IKZF1: variants seen among roughly 807,000 people sequenced by gnomAD.
The protein encoded by IKZF1 is DNA-binding protein Ikaros.
In IKZF1, 10 loss-of-function variants were observed where a neutral mutation model predicts 51.7. The ratio of observed to expected loss-of-function variants is 0.19; its 90% confidence interval spans 0.12 to 0.33. The LOEUF (loss-of-function observed/expected upper bound fraction) is 0.33, where lower values mean the gene tolerates loss of function less well. Among genes scored for constraint, IKZF1 ranks in the 10% least tolerant of loss-of-function variants. IKZF1 has a pLI of 1.00. For missense variants in IKZF1, 484 were observed against 707.5 expected (o/e 0.68, Z 3.58); for synonymous variants, 280 against 282.3 (o/e 0.99, Z 0.08).
chr7:50,359,645 C>T (rs1038632549), intron 3 of IKZF1, among the ~76,000 whole-genome samples: 1 of 152,260 alleles, frequency 6.6e-6, no homozygotes, highest in African/African-American at 2.4e-5. Context: ...CATGTACATA[C>T]ACATGTACAC....
At chr7:50,392,182 G>T (rs116341609) in intron 7 of IKZF1, among the ~76,000 whole-genome samples, 1 of 152,260 alleles carries the variant, frequency 6.6e-6, no homozygotes, top group East Asian at 1.9e-4. Flanking sequence ...GCTCGTCCGG[G>T]GGACACCACA....
intron 1 of IKZF1, among the ~76,000 whole-genome samples, chr7:50,317,605 C>T (rs1378788448): frequency 6.6e-6 from 1 of 152,082 alleles, no homozygotes; most frequent in Non-Finnish European, 1.5e-5. Flanking sequence ...TAGCTGTACT[C>T]CTAAGCCACA....
At chr7:50,362,696 T>C (rs1805621235) in intron 3 of IKZF1, among the ~76,000 whole-genome samples, 1 of 152,158 alleles carries the variant, frequency 6.6e-6, no homozygotes, top group African/African-American at 2.4e-5. Context: ...TCACCAGTTG[T>C]AGGGAGATTT....
chr7:50,338,205 T>A (rs917368062), intron 3 of IKZF1, among the ~76,000 whole-genome samples: 18 of 152,204 alleles, frequency 1.2e-4, no homozygotes, highest in Non-Finnish European at 2.4e-4. Context: ...CTATGGAAAG[T>A]TGCTTATTTT....
At chr7:50,354,544 G>T (rs554429815) in intron 3 of IKZF1, among the ~76,000 whole-genome samples, 2 of 152,358 alleles carry the variant, frequency 1.3e-5, no homozygotes, top group Admixed American at 1.3e-4. Context: ...AAGGCAGAAA[G>T]ACAGGGCAGC....
At chr7:50,369,734 T>C in intron 3 of IKZF1, 1 of 396,586 alleles carries the variant, frequency 2.5e-6, no homozygotes. Flanking sequence ...TTTGTGTCCG[T>C]AGTTGCTGGA....
chr7:50,333,711 G>A (rs1344208073), intron 3 of IKZF1, among the ~76,000 whole-genome samples: 7 of 152,130 alleles, frequency 4.6e-5, no homozygotes, highest in African/African-American at 1.7e-4. Flanking sequence ...CTTCTTTGAG[G>A]AATAACTGAA....
At chr7:50,304,007 C>G (rs1243297357), upstream of IKZF1, 2 of 145,124 alleles carry the variant, frequency 1.4e-5, no homozygotes, top group Non-Finnish European at 3.1e-5. Context: ...AATGAGGAAG[C>G]GCGGCGGCGA....
At chr7:50,374,959 G>C (rs1434081829) in intron 3 of IKZF1, among the ~76,000 whole-genome samples, 1 of 152,024 alleles carries the variant, frequency 6.6e-6, no homozygotes, top group Non-Finnish European at 1.5e-5. Context: ...GTGTACATTA[G>C]AATCTTCTGG....
At chr7:50,398,471 A>T (rs1195492942) in intron 7 of IKZF1, among the ~76,000 whole-genome samples, 1 of 152,102 alleles carries the variant, frequency 6.6e-6, no homozygotes, top group African/African-American at 2.4e-5. Flanking sequence ...CAACACTGGG[A>T]CACAAAACCC....
At chr7:50,397,338 T>A (rs1307318050) in intron 7 of IKZF1, among the ~76,000 whole-genome samples, 1 of 152,248 alleles carries the variant, frequency 6.6e-6, no homozygotes, top group Non-Finnish European at 1.5e-5. Flanking sequence ...TTTATTTTTC[T>A]TGTTTTGTTG....
intron 7 of IKZF1, among the ~76,000 whole-genome samples, chr7:50,396,877 A>G (rs1816844259): frequency 6.6e-6 from 1 of 152,216 alleles, no homozygotes; most frequent in Admixed American, 6.5e-5. Context: ...GAATGCTTTC[A>G]TCCCCACAGG....
chr7:50,382,143 T>A (rs1208431932), intron 4 of IKZF1, among the ~76,000 whole-genome samples: 1 of 152,214 alleles, frequency 6.6e-6, no homozygotes, highest in Non-Finnish European at 1.5e-5. Flanking sequence ...GCTGCTTCAG[T>A]GGCATATTTT....
At chr7:50,386,462 C>T (rs904313354) in intron 5 of IKZF1, among the ~76,000 whole-genome samples, 2 of 152,212 alleles carry the variant, frequency 1.3e-5, no homozygotes, top group Admixed American at 1.3e-4. Context: ...GCATTTCTAT[C>T]ATCATAGGAA....
intron 3 of IKZF1, among the ~76,000 whole-genome samples, chr7:50,345,718 A>G (rs1001728628): frequency 1.3e-5 from 2 of 152,332 alleles, no homozygotes; most frequent in Middle Eastern, 3.4e-3. Context: ...ATAGAAATGA[A>G]ATACAGAATA....
intron 4 of IKZF1, chr7:50,377,074 G>T: frequency 2.1e-6 from 1 of 472,322 alleles, no homozygotes; most frequent in Non-Finnish European, 3.8e-6. Flanking sequence ...TGCTATTATA[G>T]TAACACATAC....
intron 2 of IKZF1, among the ~76,000 whole-genome samples, chr7:50,325,260 C>G (rs1358144397): frequency 6.8e-6 from 1 of 146,054 alleles, no homozygotes; most frequent in East Asian, 2.0e-4. Context: ...CACCCACCCC[C>G]CAACCCCCCG....
intron 2 of IKZF1, among the ~76,000 whole-genome samples, chr7:50,326,786 G>C (rs958853962): frequency 6.6e-6 from 1 of 152,138 alleles, no homozygotes; most frequent in Admixed American, 6.5e-5. Context: ...CTTTGCATGC[G>C]GAGAGGGGAT....
chr7:50,350,602 C>T (rs1801613842), intron 3 of IKZF1, among the ~76,000 whole-genome samples: 1 of 152,208 alleles, frequency 6.6e-6, no homozygotes, highest in African/African-American at 2.4e-5. Context: ...CACCAGTGGA[C>T]TCTAACGACG....
Sources: allele counts gnomAD v4.1 joint callset (sites outside exome capture counted in the v4.1 genomes callset), GRCh38; gene constraint gnomAD v4.1.1; transcripts MANE v1.5; gene names NCBI Gene and HGNC (gene_info 2026-07-23, HGNC 2026-07-21).